The following NEO1 variants were observed in gnomAD, a reference collection of about 807,000 sequenced individuals.
NEO1 encodes the protein neogenin.
In NEO1, 63 loss-of-function variants were observed where a neutral mutation model predicts 159.7. That is an observed-to-expected ratio of 0.39 (90% CI 0.32 to 0.49). The LOEUF (loss-of-function observed/expected upper bound fraction) is 0.49. NEO1 is among the 20% of genes least tolerant of loss of function. NEO1 has a pLI of 0.85. For synonymous variants in NEO1, 633 were observed against 662.0 expected (o/e 0.96, Z 0.67); for missense variants, 1,615 against 1,831.0 (o/e 0.88, Z 2.15).
At chr15:73,051,877 T>C (rs962307927), upstream of NEO1, 1 of 152,098 alleles carries the variant, frequency 6.6e-6, no homozygotes. Context: ...AGGCCCTATA[T>C]AGAGGCTCCA....
chr15:73,197,329 A>G (rs550143899), intron 7 of NEO1, among the ~76,000 whole-genome samples: 1 of 152,190 alleles, frequency 6.6e-6, no homozygotes, highest in Non-Finnish European at 1.5e-5. Flanking sequence ...ACTGCATTCC[A>G]GCCTGGGTGA....
At chr15:73,289,067 AC>A in intron 24 of NEO1, 78 bp from the exon 25 acceptor site, 3 of 1,057,874 alleles carry the variant, frequency 2.8e-6, no homozygotes, top group Middle Eastern at 2.0e-4. Flanking sequence ...TGAATCCCCT[AC>A]TAGAAATGTT....
chr15:73,241,299 A>T (rs2039474838), intron 8 of NEO1, among the ~76,000 whole-genome samples: 1 of 152,238 alleles, frequency 6.6e-6, no homozygotes, highest in Non-Finnish European at 1.5e-5. Flanking sequence ...CTGTTAGTCT[A>T]GTCAAGGGGT....
intron 2 of NEO1, among the ~76,000 whole-genome samples, chr15:73,122,265 T>C (rs535734916): frequency 5.3e-5 from 8 of 151,862 alleles, no homozygotes; most frequent in Admixed American, 2.0e-4. Flanking sequence ...ACCAGTACCA[T>C]AGGACTTATT....
intron 7 of NEO1, among the ~76,000 whole-genome samples, chr15:73,208,255 A>G (rs2037346945): frequency 6.6e-6 from 1 of 152,240 alleles, no homozygotes; most frequent in Non-Finnish European, 1.5e-5. Flanking sequence ...AGTACGTAGC[A>G]AAGAAGTTTG....
chr15:73,214,603 A>G (rs1361665920), intron 7 of NEO1, among the ~76,000 whole-genome samples: 1 of 151,990 alleles, frequency 6.6e-6, no homozygotes, highest in Non-Finnish European at 1.5e-5. Flanking sequence ...GTTTGTTTCC[A>G]GGTTCTCTAT....
intron 5 of NEO1, among the ~76,000 whole-genome samples, chr15:73,157,274 C>G (rs1324912458): frequency 6.6e-6 from 1 of 152,238 alleles, no homozygotes; most frequent in Non-Finnish European, 1.5e-5. Context: ...TTGCTTGAGT[C>G]CCAGTTCTTC....
chr15:73,122,094 T>TATAC (rs1321511495), intron 2 of NEO1, among the ~76,000 whole-genome samples: 19 of 103,770 alleles, frequency 1.8e-4, no homozygotes, highest in Admixed American at 1.6e-3. Flanking sequence ...TATATATATA[T>TATAC]ACACATTATA....
At chr15:73,242,873 C>T (rs562388917) in intron 8 of NEO1, among the ~76,000 whole-genome samples, 35 of 152,220 alleles carry the variant, frequency 2.3e-4, no homozygotes, top group East Asian at 1.5e-3. Flanking sequence ...CAGGCGCACT[C>T]GGTGTAACTT....
intron 7 of NEO1, among the ~76,000 whole-genome samples, chr15:73,202,959 TC>T (rs1226247944): frequency 6.6e-6 from 1 of 152,226 alleles, no homozygotes; most frequent in Non-Finnish European, 1.5e-5. Context: ...AGCATTTCCT[TC>T]CTTTTTAATT....
At chr15:73,189,415 C>T (rs890289488) in intron 7 of NEO1, among the ~76,000 whole-genome samples, 3 of 152,226 alleles carry the variant, frequency 2.0e-5, no homozygotes, top group Non-Finnish European at 2.9e-5. Flanking sequence ...TGGAACCATG[C>T]AGTTCAAAAC....
intron 4 of NEO1, among the ~76,000 whole-genome samples, chr15:73,129,457 T>G (rs756915804): frequency 2.0e-5 from 3 of 152,204 alleles, no homozygotes; most frequent in Non-Finnish European, 2.9e-5. Context: ...TCTTAAGACT[T>G]CTTTGAAAGT....
chr15:73,288,633 C>T, intron 24 of NEO1, 82 bp downstream of exon 24: 1 of 1,203,170 alleles, frequency 8.3e-7, no homozygotes. Flanking sequence ...CTGAGTTTGC[C>T]TTCATTTGGC....
At chr15:73,220,925 T>G (rs1327316922) in intron 7 of NEO1, among the ~76,000 whole-genome samples, 1 of 152,230 alleles carries the variant, frequency 6.6e-6, no homozygotes, top group African/African-American at 2.4e-5. Flanking sequence ...TTCTCTCAAC[T>G]CATCAAAGTC....
rs527806844 is a variant in NEO1, at chr15:73,197,150, G to A, written c.1291+18723G>A. ...CAAAGTGGGCAGATCGCTTGAGCTC[G>A]GGAGTTTGAGACCAGCCTGGGCAGT... On this transcript the variant is annotated intron_variant, in intron 7 of 28. Coordinates refer to ENST00000261908, the MANE Select transcript of NEO1 (RefSeq NM_002499.4). Among the ~76,000 whole-genome samples the A allele has an allele frequency of 8.1e-4, 123 of 152,140 alleles. 1 individual carries two copies. Among genetic ancestry groups the A allele is most frequent in the African/African-American group, 2.7e-3 (111 of 41,496 alleles).
chr15:73,071,229 G>A (rs534373340), intron 1 of NEO1, among the ~76,000 whole-genome samples: 3 of 152,190 alleles, frequency 2.0e-5, no homozygotes, highest in Admixed American at 2.0e-4. Context: ...ATGAACCATC[G>A]TGCCTGGCCC....
intron 22 of NEO1, among the ~76,000 whole-genome samples, chr15:73,280,169 C>T (rs2041624699): frequency 6.6e-6 from 1 of 151,884 alleles, no homozygotes; most frequent in South Asian, 2.1e-4. Context: ...ACGTGTAATC[C>T]CAGCTACTCA....
intron 28 of NEO1, among the ~76,000 whole-genome samples, chr15:73,302,385 G>C (rs1000833448): frequency 6.6e-6 from 1 of 152,198 alleles, no homozygotes; most frequent in African/African-American, 2.4e-5. Flanking sequence ...TGTGACCCTG[G>C]GGAGTATGTG....
At chr15:73,293,220 C>T (rs899161228) in intron 25 of NEO1, among the ~76,000 whole-genome samples, 170 bp from the exon 26 acceptor site, 2 of 151,946 alleles carry the variant, frequency 1.3e-5, no homozygotes, top group Non-Finnish European at 2.9e-5. Context: ...TAAAAAACAA[C>T]GTAAAAATCA....
Sources: allele counts gnomAD v4.1 joint callset (sites outside exome capture counted in the v4.1 genomes callset), GRCh38; gene constraint gnomAD v4.1.1; transcripts MANE v1.5; gene names NCBI Gene and HGNC (gene_info 2026-07-23, HGNC 2026-07-21).